SZT2: variants seen among roughly 807,000 people sequenced by gnomAD.
The protein encoded by SZT2 is SZT2 subunit of KICSTOR complex, also known as KICSTOR complex protein SZT2.
SZT2 carries 216 observed loss-of-function variants against 404.2 expected under a neutral mutation model. That is an observed-to-expected ratio of 0.53 (90% confidence interval 0.48 to 0.60). The LOEUF is 0.60. SZT2 is among the 20% of genes least tolerant of loss of function. SZT2 has a pLI of 0.00. For synonymous variants in SZT2, 1,693 were observed against 1,749.9 expected (o/e 0.97, Z 0.81); for missense variants, 3,857 against 4,459.2 (o/e 0.86, Z 3.85).
At chr1:43,423,376 G>A (rs1652662395) in intron 15 of SZT2, 60 bp downstream of exon 15, 1 of 1,465,526 alleles carries the variant, frequency 6.8e-7, no homozygotes, top group African/African-American at 1.4e-5. Context: ...CAGAGGTGTG[G>A]AGGGCATGGC....
intron 7 of SZT2, among the ~76,000 whole-genome samples, chr1:43,419,068 T>G (rs1652030419): frequency 6.6e-6 from 1 of 152,202 alleles, no homozygotes; most frequent in Admixed American, 6.5e-5. Context: ...TGCAAACACT[T>G]TCTGCAAAGG....
At chr1:43,417,995 A>G (rs1203468951) in intron 7 of SZT2, among the ~76,000 whole-genome samples, 1 of 152,210 alleles carries the variant, frequency 6.6e-6, no homozygotes, top group Non-Finnish European at 1.5e-5. Context: ...CACAATGGTA[A>G]CTACACTGTG....
At chr1:43,444,558 C>T (rs1326407728) in intron 62 of SZT2, among the ~76,000 whole-genome samples, 2 of 152,178 alleles carry the variant, frequency 1.3e-5, no homozygotes, top group East Asian at 3.9e-4. Flanking sequence ...ACTTGCATCA[C>T]TGTCCTTGGC....
intron 1 of SZT2, among the ~76,000 whole-genome samples, chr1:43,395,692 G>T (rs566769022): frequency 8.5e-5 from 13 of 152,314 alleles, no homozygotes; most frequent in African/African-American, 3.1e-4. Flanking sequence ...TTTGATCAAT[G>T]TTTTTGTCCT....
In SZT2 at chr1:43,431,388, CCT is replaced by C. The variant is rs1653856602; in HGVS notation, c.5024+17_5024+18del. On this transcript the variant is annotated intron_variant, in intron 34 of 71. Transcript: ENST00000634258. ...AAGAGGAGAGGTACTTCTTTATCTC[CCT>C]GTCAGAGTTCATTACTGCTTTTCAA... is the stretch of plus-strand genomic sequence containing the variant. 3 of 1,612,432 alleles carry C rather than the reference CCT, an allele frequency of 1.9e-6. No homozygotes were observed. Among genetic ancestry groups the C allele is most frequent in the East Asian group, 4.5e-5 (2 of 44,848 alleles).
rs770025531 is a variant in SZT2 at position 43,424,851 on chromosome 1, C to A, written c.2539C>A (p.Leu847Ile). 1.9e-6 allele frequency: 3 copies of A among 1,614,008 alleles called. No individual in the cohort carries two copies. Among genetic ancestry groups the A allele is most frequent in the Non-Finnish European group, 2.5e-6 (3 of 1,179,892 alleles). Reference protein sequence around the residue: ...GEGIINMVLELPIQNEPPGQA... With the variant: ...GEGIINMVLEIPIQNEPPGQA... ...AGGAATCATCAACATGGTTCTGGAG[C>A]TTCCAATTCAGGTACGTGCCATCCC... is the stretch of plus-strand genomic sequence containing the variant. Residue 847 changes from leucine to isoleucine, a missense_variant, in exon 17 of 72, where the codon CTT (leucine) becomes ATT (isoleucine). Physicochemically the swap from Leu to Ile is conservative, Grantham distance 5. This residue lies in a region of SZT2 where 1,725 missense variants were observed against 1,881.0 expected (regional missense o/e 0.92). Transcript: ENST00000634258. This position sits in a 1 kb window ranked among gnomAD's most constrained non-coding sequence, Gnocchi z 4.1.
At chr1:43,434,588 A>G (rs931062760) in intron 41 of SZT2, 103 bp downstream of exon 41, 39 of 1,073,362 alleles carry the variant, frequency 3.6e-5, no homozygotes, top group Admixed American at 1.5e-4. Context: ...AGAATCAATA[A>G]TTATGGAAAG....
At chr1:43,433,312 C>T in intron 40 of SZT2, 122 bp downstream of exon 40, 3 of 1,010,764 alleles carry the variant, frequency 3.0e-6, no homozygotes, top group Non-Finnish European at 4.3e-6. Flanking sequence ...GGTAGAGATC[C>T]AACTTGTATT....
In SZT2 at chr1:43,453,868, G is replaced by T. The variant is rs984593130; in HGVS notation, c.*3388G>T. The T allele has an allele frequency of 8.2e-7, 1 of 1,218,286 alleles. No homozygotes were observed. The highest frequency in any genetic ancestry group is 3.8e-5 in the South Asian group (1 of 26,574). The allele number at this position is 1,218,286 out of a possible 1,614,324, so 75.5% of individuals were successfully genotyped here. On this transcript the variant is annotated 3_prime_UTR_variant, in exon 72 of 72. Coordinates refer to ENST00000634258, the MANE Select transcript of SZT2 (RefSeq NM_001365999.1). ...GCGGCGGGCGGCGGGCGGCGGGCGGGGGCGGGGCTCTCCTTGCTGGCCCTG... is the reference window on the plus strand; with the variant it reads ...GCGGCGGGCGGCGGGCGGCGGGCGGTGGCGGGGCTCTCCTTGCTGGCCCTG...
chr1:43,391,610 GA>G (rs1648324426), intron 1 of SZT2, among the ~76,000 whole-genome samples: 2 of 152,086 alleles, frequency 1.3e-5, no homozygotes, highest in Admixed American at 1.3e-4. Flanking sequence ...ATTAACACAA[GA>G]AAAACTATGA....
At chr1:43,422,328 G>A (rs1652464154) in intron 12 of SZT2, 103 bp downstream of exon 12, 2 of 1,494,822 alleles carry the variant, frequency 1.3e-6, no homozygotes, top group Admixed American at 4.2e-5. Flanking sequence ...TACCAACTGT[G>A]GCCAAGGAAA....
chr1:43,432,524 C>A lies in SZT2; in HGVS notation c.5450C>A (p.Thr1817Lys). 1.2e-6 allele frequency: 2 copies of A among 1,605,270 alleles called. No homozygotes were observed. Among genetic ancestry groups the A allele is most frequent in the South Asian group, 2.2e-5 (2 of 89,492 alleles). ...TGACTTCCTATTCCTCAGACCCTGA[C>A]AGCCAGCCCCCAAGCACCTGGGTCC... Reference protein sequence around the residue: ...RAEGIEGETLTASPQAPGSPE... With the variant: ...RAEGIEGETLKASPQAPGSPE... Residue 1817 changes from threonine to lysine, a missense_variant, in exon 38 of 72, where the codon ACA becomes AAA. Physicochemically the swap from Thr to Lys is moderately conservative, Grantham distance 78. Around this residue, in one of 7 missense-constraint regions of SZT2, gnomAD observed 1,725 missense variants for 1,881.0 expected, o/e 0.92. Coordinates refer to ENST00000634258, the MANE Select transcript of SZT2 (RefSeq NM_001365999.1).
chr1:43,444,708 TCA>T (rs935313582), intron 62 of SZT2, among the ~76,000 whole-genome samples: 1 of 152,112 alleles, frequency 6.6e-6, no homozygotes, highest in Non-Finnish European at 1.5e-5. Context: ...CTGTCAAATC[TCA>T]GATTCCCGTG....
At chr1:43,427,841 C>T in intron 26 of SZT2, 107 bp downstream of exon 26, 1 of 1,408,878 alleles carries the variant, frequency 7.1e-7, no homozygotes, top group South Asian at 1.3e-5. Flanking sequence ...CCATATCCTG[C>T]TGGCTCCTTG....
At chr1:43,403,579 T>C in intron 2 of SZT2, 22 bp from the exon 3 acceptor site, 1 of 1,604,304 alleles carries the variant, frequency 6.2e-7, no homozygotes, top group Non-Finnish European at 8.5e-7. Flanking sequence ...TCCTTTCCTT[T>C]TCTTTCCATC....
At chr1:43,407,468 A>G (rs1394206527) in intron 4 of SZT2, among the ~76,000 whole-genome samples, 3 of 151,976 alleles carry the variant, frequency 2.0e-5, no homozygotes, top group Non-Finnish European at 4.4e-5. Flanking sequence ...ATGAGCCAAG[A>G]TCACGCCACT....
At chr1:43,407,958 G>A (rs1650532674) in intron 4 of SZT2, among the ~76,000 whole-genome samples, 2 of 145,974 alleles carry the variant, frequency 1.4e-5, no homozygotes, top group African/African-American at 2.5e-5. Flanking sequence ...TCAGCCTCCC[G>A]AGTAGCTGGG....
At position 43,443,090 on chromosome 1, in the gene SZT2, AG is replaced by A; in HGVS notation, c.8419+7del. ...ATCAAGATGGCAGAGCGCAGAGGTG[AG>A]GGTACTGGGCCAGGCAGCAGGGACA... is the stretch of plus-strand genomic sequence containing the variant. On this transcript the variant is annotated splice_donor_5th_base_variant and intron_variant, in intron 59 of 71. Coordinates refer to ENST00000634258, the MANE Select transcript of SZT2 (RefSeq NM_001365999.1). The A allele has an allele frequency of 1.3e-5, 21 of 1,611,548 alleles. No homozygotes were observed. The highest frequency in any genetic ancestry group is 1.8e-5 in the Non-Finnish European group (21 of 1,178,246).
chr1:43,433,883 C>A (rs116996089), intron 40 of SZT2, among the ~76,000 whole-genome samples: 3 of 152,246 alleles, frequency 2.0e-5, no homozygotes, highest in Admixed American at 2.0e-4. Context: ...CATAACCCTA[C>A]GGCGTATTAA....
Sources: gnomAD v4.1 joint callset for allele counts (sites outside exome capture counted in the v4.1 genomes callset) on GRCh38, gnomAD v4.1.1 for gene constraint, gnomAD v4.1.1 regional missense constraint, Gnocchi (gnomAD v3.1) non-coding constraint, MANE v1.5 for transcripts, NCBI Gene and HGNC (gene_info 2026-07-23, HGNC 2026-07-21) for gene names.